Variants in TTPAL observed in about 807,000 individuals in gnomAD.
TTPAL encodes alpha-tocopherol transfer protein-like.
In TTPAL, 21 loss-of-function variants were observed where a neutral mutation model predicts 28.7. That is an observed-to-expected ratio of 0.73 (90% CI 0.52 to 1.06). TTPAL has a LOEUF of 1.06. Ranked by LOEUF, TTPAL falls within the 50% of genes least tolerant of loss-of-function variation. The probability of loss-of-function intolerance (pLI) is 0.00; values close to 1 mark genes in which losing one functional copy is unlikely to be tolerated. For synonymous variants in TTPAL, 169 were observed against 171.9 expected (o/e 0.98, Z 0.13); for missense variants, 345 against 425.5 (o/e 0.81, Z 1.67).
intron 1 of TTPAL, among the ~76,000 whole-genome samples, chr20:44,477,558 C>T (rs2064055807): frequency 6.6e-6 from 1 of 152,186 alleles, no homozygotes; most frequent in Non-Finnish European, 1.5e-5. Context: ...AAATGGTCTG[C>T]TTCAGTCCTC....
rs1430130804 is a variant in TTPAL at position 44,480,383 on chromosome 20, G to A, written c.384G>A (p.Gly128=). The A allele has an allele frequency of 5.6e-6, 9 of 1,613,836 alleles. No homozygotes were observed. The highest frequency in any genetic ancestry group is 2.2e-5 in the South Asian group (2 of 91,074). Residue 128 remains glycine (G), a synonymous_variant, in exon 2 of 5, where the codon GGG becomes GGA. Coordinates refer to ENST00000262605, the MANE Select transcript of TTPAL (RefSeq NM_001039199.3). This position sits in a 1 kb window ranked among gnomAD's most constrained non-coding sequence, Gnocchi z 4.1. ...CCTTAAAAGATGTCCTTGCTTCCGGGTTCCTCACCGTGCTGCCCCACACTG... is the reference window on the plus strand; with the variant it reads ...CCTTAAAAGATGTCCTTGCTTCCGGATTCCTCACCGTGCTGCCCCACACTG... ...PSALKDVLAS[G]FLTVLPHTDP...
At chr20:44,483,622 A>G (rs1351015574) in intron 2 of TTPAL, among the ~76,000 whole-genome samples, 1 of 152,162 alleles carries the variant, frequency 6.6e-6, no homozygotes, top group Non-Finnish European at 1.5e-5. Flanking sequence ...GGTTAGTGCT[A>G]TGAAGATAAG....
chr20:44,482,764 G>T (rs1023464905), intron 2 of TTPAL, among the ~76,000 whole-genome samples: 2 of 151,804 alleles, frequency 1.3e-5, no homozygotes, highest in South Asian at 4.2e-4. Flanking sequence ...AATACATGGG[G>T]TGTATTAAAA....
chr20:44,479,399 G>GTTTTTTTTTTT (rs869123576), intron 1 of TTPAL, among the ~76,000 whole-genome samples: 2 of 81,564 alleles, frequency 2.5e-5, no homozygotes, highest in Non-Finnish European at 5.1e-5. Flanking sequence ...AATCTGAGTT[G>GTTTTTTTTTTT]TTTTTTTTTT....
rs2064090787 is a variant in TTPAL, at chr20:44,480,271, A to G, written c.272A>G (p.Asp91Gly). Residue 91 changes from aspartate (D) to glycine (G), a missense_variant, in exon 2 of 5, where the codon GAT becomes GGT. Coordinates refer to ENST00000262605, the MANE Select transcript of TTPAL (RefSeq NM_001039199.3). The surrounding 1 kb of genome is among the most constrained non-coding windows in gnomAD (Gnocchi z 4.1). Reference protein sequence around the residue: ...LLRFLRARKFDYDRALQLLVN... With the variant: ...LLRFLRARKFGYDRALQLLVN... Reference sequence around the variant, plus strand: ...CGCTTCCTCCGAGCCCGCAAGTTTGATTACGACCGGGCCCTGCAGCTCCTC... The same window carrying G: ...CGCTTCCTCCGAGCCCGCAAGTTTGGTTACGACCGGGCCCTGCAGCTCCTC... 6.2e-7 allele frequency: 1 copy of G among 1,614,132 alleles called. No homozygotes were observed. Among genetic ancestry groups the G allele is most frequent in the Non-Finnish European group, 8.5e-7 (1 of 1,180,020 alleles).
chr20:44,480,004 C>T lies in TTPAL; in HGVS notation c.5C>T (p.Ser2Phe). ...TGGCAGGGACCTTGGTAGCTAATGT[C>T]CGAAGAAAGTGACTCTCTGAGAACC... M[S>F]EESDSLRTSP... Residue 2 changes from serine (S) to phenylalanine (F), a missense_variant, in exon 2 of 5, where the codon TCC becomes TTC. Transcript: ENST00000262605. This position sits in a 1 kb window ranked among gnomAD's most constrained non-coding sequence, Gnocchi z 4.1. 1 of 1,612,318 alleles carries T rather than the reference C, an allele frequency of 6.2e-7. No individual in the cohort carries two copies. The highest frequency in any genetic ancestry group is 1.1e-5 in the South Asian group (1 of 90,994).
rs1464072563 is a variant in TTPAL, at chr20:44,489,485, GCA to G, written c.976_977del (p.Gln326ValfsTer2). 3.7e-6 allele frequency: 6 copies of G among 1,614,108 alleles called. No homozygotes were observed. The highest frequency in any genetic ancestry group is 1.7e-5 in the Admixed American group (1 of 60,008). ...TLLPEGLTSDAQCDDSLRAVK... is the reference protein window; with the variant it reads ...TLLPEGLTSDXQCDDSLRAVK... ...GCTGCCCGAGGGCCTGACCTCAGAT[GCA>G]CAGTGTGACGACTCCTTGCGAGCTG... On this transcript the variant is annotated frameshift_variant, in exon 5 of 5. Coordinates refer to ENST00000262605, the MANE Select transcript of TTPAL (RefSeq NM_001039199.3). LOFTEE classifies it high-confidence loss of function.
At chr20:44,487,355 CTGCT>C (rs2064161765) in intron 4 of TTPAL, among the ~76,000 whole-genome samples, 1 of 151,990 alleles carries the variant, frequency 6.6e-6, no homozygotes, top group African/African-American at 2.4e-5. Context: ...GGTGGGAGGA[CTGCT>C]TGAGCTCAGG....
chr20:44,481,228 C>T (rs2064102152), intron 2 of TTPAL, among the ~76,000 whole-genome samples: 2 of 152,126 alleles, frequency 1.3e-5, no homozygotes, highest in Non-Finnish European at 2.9e-5. Flanking sequence ...AATGGGGGCT[C>T]CCTGCCACTA....
chr20:44,489,423 C>A lies in TTPAL; in HGVS notation c.911C>A (p.Pro304His), dbSNP rs549116360. The A allele has an allele frequency of 1.2e-6, 2 of 1,614,216 alleles. No individual in the cohort carries two copies. Among genetic ancestry groups the A allele is most frequent in the Admixed American group, 3.3e-5 (2 of 60,028 alleles). ...GATTTTGTGAAAGAGTTCTGCCAAC[C>A]TGTTCCTGCCTGTGACAGCATCCTG... is the stretch of plus-strand genomic sequence containing the variant. ...EDDFVKEFCQ[P>H]VPACDSILGQ... Residue 304 changes from proline (P) to histidine (H), a missense_variant, in exon 5 of 5, where the codon CCT becomes CAT. Coordinates refer to ENST00000262605, the MANE Select transcript of TTPAL (RefSeq NM_001039199.3).
At position 44,493,107 on chromosome 20, in the gene TTPAL, AC is replaced by A. The variant is rs1389023001; in HGVS notation, c.*3570del. On this transcript the variant is annotated 3_prime_UTR_variant, in exon 5 of 5. Transcript: ENST00000262605. ...AGACCAGCCTGGCCAACATGGTGAA[AC>A]CCCGTCTCTACTAAAAATACAAAAA... 1 of 151,802 alleles carries A rather than the reference AC, an allele frequency of 6.6e-6. No individual in the cohort carries two copies. The highest frequency in any genetic ancestry group is 2.4e-5 in the African/African-American group (1 of 41,284). The allele number at this position is 151,802 out of a possible 1,614,324, so 9.4% of individuals were successfully genotyped here. A position where few individuals can be genotyped will look rare whatever the true frequency, so the allele number is the denominator to read the frequency against.
At chr20:44,478,993 G>A (rs1480409012) in intron 1 of TTPAL, among the ~76,000 whole-genome samples, 1 of 152,140 alleles carries the variant, frequency 6.6e-6, no homozygotes, top group African/African-American at 2.4e-5. Flanking sequence ...GTTTCACCGC[G>A]TTAGCGAGGA....
chr20:44,489,477 C>T lies in TTPAL; in HGVS notation c.965C>T (p.Thr322Ile), dbSNP rs202027183. 80 of 1,614,206 alleles carry T rather than the reference C, an allele frequency of 5.0e-5. No individual in the cohort carries two copies. In the African/African-American group the frequency reaches 1.0e-3, roughly 20 times the overall value. The stretch of plus-strand genomic sequence containing the variant: ...CAGACGCTGCTGCCCGAGGGCCTGA[C>T]CTCAGATGCACAGTGTGACGACTCC... ...LGQTLLPEGL[T>I]SDAQCDDSLR... Residue 322 changes from threonine (T) to isoleucine (I), a missense_variant, in exon 5 of 5, where the codon ACC becomes ATC. Physicochemically the swap from Thr to Ile is moderately conservative, Grantham distance 89. Transcript: ENST00000262605.
chr20:44,478,428 T>G (rs901350776), intron 1 of TTPAL, among the ~76,000 whole-genome samples: 3 of 152,224 alleles, frequency 2.0e-5, no homozygotes, highest in African/African-American at 7.2e-5. Flanking sequence ...ACAGAAGGGC[T>G]GTGGAAAGTT....
chr20:44,478,058 G>A (rs1460656334), intron 1 of TTPAL, among the ~76,000 whole-genome samples: 1 of 152,254 alleles, frequency 6.6e-6, no homozygotes, highest in East Asian at 1.9e-4. Flanking sequence ...GTTCGAGGTT[G>A]CAGAGAGCTA....
At position 44,493,782 on chromosome 20, in the gene TTPAL, C is replaced by T. The variant is rs994668985; in HGVS notation, c.*4241C>T. On this transcript the variant is annotated 3_prime_UTR_variant, in exon 5 of 5. Transcript: ENST00000262605. ...GGTGCAGTAGTTCATGCCCTGTAATCCTAGAACTTTGGGAGGCTGAAGGGG... is the reference window on the plus strand; with the variant it reads ...GGTGCAGTAGTTCATGCCCTGTAATTCTAGAACTTTGGGAGGCTGAAGGGG... 28 of 152,304 alleles carry T rather than the reference C, an allele frequency of 1.8e-4. 1 individual carries two copies. Among genetic ancestry groups the T allele is most frequent in the African/African-American group, 6.5e-4 (27 of 41,402 alleles). The allele number at this position is 152,304 out of a possible 1,614,324, so 9.4% of individuals were successfully genotyped here. A position where few individuals can be genotyped will look rare whatever the true frequency, so the allele number is the denominator to read the frequency against.
intron 2 of TTPAL, among the ~76,000 whole-genome samples, chr20:44,481,232 G>A (rs1038823393): frequency 4.6e-5 from 7 of 152,052 alleles, no homozygotes; most frequent in African/African-American, 1.7e-4. Context: ...GGGGCTCCCT[G>A]CCACTAAAAG....
rs1017699832 is a variant in TTPAL, at chr20:44,480,966, G to T, written c.445+522G>T. ...GCCTAAGAATCTGCCCCTGGCCATA[G>T]GATACAAGCATGACTGCCAGGGCCC... is the stretch of plus-strand genomic sequence containing the variant. On this transcript the variant is annotated intron_variant, in intron 2 of 4. Transcript: ENST00000262605. The surrounding 1 kb of genome is among the most constrained non-coding windows in gnomAD (Gnocchi z 4.1). Among the ~76,000 whole-genome samples, 1 of 152,166 alleles carries T rather than the reference G, an allele frequency of 6.6e-6. No individual in the cohort carries two copies. The highest frequency in any genetic ancestry group is 1.5e-5 in the Non-Finnish European group (1 of 68,020).
In TTPAL at chr20:44,487,791, C is replaced by T. The variant is rs146531355; in HGVS notation, c.750+1085C>T. Among the ~76,000 whole-genome samples, 776 of 152,212 alleles carry T rather than the reference C, an allele frequency of 5.1e-3. 9 individuals are homozygous for T. Among genetic ancestry groups the T allele is most frequent in the African/African-American group, 0.018 (740 of 41,550 alleles). On this transcript the variant is annotated intron_variant, in intron 4 of 4. Transcript: ENST00000262605. ...TTACTTGCTTTTTCTTTTTTTGAGACGGAGTCTCGCTCCGTCACCCAGGCT... is the reference window on the plus strand; with the variant it reads ...TTACTTGCTTTTTCTTTTTTTGAGATGGAGTCTCGCTCCGTCACCCAGGCT...
Sources: allele counts gnomAD v4.1 joint callset (sites outside exome capture counted in the v4.1 genomes callset), GRCh38; gene constraint gnomAD v4.1.1; non-coding constraint Gnocchi (gnomAD v3.1); transcripts MANE v1.5; gene names NCBI Gene and HGNC (gene_info 2026-07-23, HGNC 2026-07-21).